PRDM16: variants seen among roughly 807,000 people sequenced by gnomAD.
The protein encoded by PRDM16 is PR/SET domain 16, also known as histone-lysine N-methyltransferase PRDM16.
In PRDM16, 23 loss-of-function variants were observed where a neutral mutation model predicts 110.6. That is an observed-to-expected ratio of 0.21 (90% CI 0.15 to 0.29). The LOEUF (loss-of-function observed/expected upper bound fraction) is 0.29. PRDM16 is among the 10% of genes least tolerant of loss of function. The pLI, the probability that PRDM16 is intolerant of heterozygous loss-of-function variation, is 1.00. For missense variants in PRDM16, 1,615 were observed against 1,794.3 expected (o/e 0.90, Z 1.81); for synonymous variants, 799 against 781.8 (o/e 1.02, Z -0.37).
chr1:3,099,563 G>T (rs1313264202), intron 1 of PRDM16, among the ~76,000 whole-genome samples: 2 of 152,206 alleles, frequency 1.3e-5, no homozygotes, highest in African/African-American at 4.8e-5. Flanking sequence ...GGCTGTGAAT[G>T]TTTTGGGGTG....
intron 2 of PRDM16, among the ~76,000 whole-genome samples, chr1:3,196,643 CA>C (rs1196680325): frequency 6.6e-6 from 1 of 152,338 alleles, no homozygotes; most frequent in South Asian, 2.1e-4. Flanking sequence ...GTGAGACCCC[CA>C]CCCAATTCCA....
rs1240045688 is a variant in PRDM16, at chr1:3,080,996, A to C, written c.37+11700A>C. On this transcript the variant is annotated intron_variant, in intron 1 of 16. Transcript: ENST00000270722. The surrounding 1 kb of genome is among the most constrained non-coding windows in gnomAD (Gnocchi z 5.2). Reference sequence around the variant, plus strand: ...CACATTCCGCCGAGTGTCCTCATGAACAAAAGGCCTAAAAAAAAGCAGAGA... The same window carrying C: ...CACATTCCGCCGAGTGTCCTCATGACCAAAAGGCCTAAAAAAAAGCAGAGA... Among the ~76,000 whole-genome samples, 1 of 151,960 alleles carries C rather than the reference A, an allele frequency of 6.6e-6. No individual in the cohort carries two copies. Among genetic ancestry groups the C allele is most frequent in the African/African-American group, 2.4e-5 (1 of 41,332 alleles).
intron 3 of PRDM16, among the ~76,000 whole-genome samples, chr1:3,284,091 G>A (rs1183741456): frequency 1.3e-5 from 2 of 152,180 alleles, no homozygotes; most frequent in Non-Finnish European, 2.9e-5. Context: ...CTGGGCCTGG[G>A]GCAGGGGCTG....
chr1:3,181,794 G>GCGGTCTTACACATT (rs1557510499), intron 1 of PRDM16, among the ~76,000 whole-genome samples: 1 of 122,822 alleles, frequency 8.1e-6, no homozygotes, highest in African/African-American at 3.2e-5. Flanking sequence ...TCTTACACAT[G>GCGGTCTTACACATT]CAGTCTTACA....
chr1:3,428,096 C>T (rs1317808286), intron 14 of PRDM16, among the ~76,000 whole-genome samples: 2 of 152,184 alleles, frequency 1.3e-5, no homozygotes, highest in African/African-American at 4.8e-5. Flanking sequence ...GGGCCCAGGA[C>T]CAGGAGCGTG....
intron 1 of PRDM16, among the ~76,000 whole-genome samples, chr1:3,185,248 T>C (rs1644254376): frequency 6.6e-6 from 1 of 152,042 alleles, no homozygotes; most frequent in South Asian, 2.1e-4. Context: ...ACCCATCCTC[T>C]CTTAGGACGG....
rs371290377 is a variant in PRDM16 at position 3,148,072 on chromosome 1, C to T, written c.38-38053C>T. ...ATTCAGATTCAAGTTCGGCCTTTGGCGTCTTCTCTCGGGGGCCCTCTGTCC... is the reference window on the plus strand; with the variant it reads ...ATTCAGATTCAAGTTCGGCCTTTGGTGTCTTCTCTCGGGGGCCCTCTGTCC... On this transcript the variant is annotated intron_variant, in intron 1 of 16. Transcript: ENST00000270722. This position sits in a 1 kb window ranked among gnomAD's most constrained non-coding sequence, Gnocchi z 5.0. Among the ~76,000 whole-genome samples, 23 of 152,132 alleles carry T rather than the reference C, an allele frequency of 1.5e-4. No individual in the cohort carries two copies. Among genetic ancestry groups the T allele is most frequent in the African/African-American group, 5.1e-4 (21 of 41,424 alleles).
At chr1:3,410,380 G>A (rs1643665422) in intron 8 of PRDM16, among the ~76,000 whole-genome samples, 2 of 152,180 alleles carry the variant, frequency 1.3e-5, no homozygotes, top group East Asian at 1.9e-4. Flanking sequence ...GGGCACTGCC[G>A]CTTCCATCCC....
chr1:3,325,397 T>A (rs1641865523), intron 3 of PRDM16, among the ~76,000 whole-genome samples: 1 of 152,166 alleles, frequency 6.6e-6, no homozygotes, highest in Admixed American at 6.5e-5. Flanking sequence ...TTCCTGGGAA[T>A]GGACCGAGTC....
chr1:3,113,204 G>A (rs538887377), intron 1 of PRDM16, among the ~76,000 whole-genome samples: 2 of 152,256 alleles, frequency 1.3e-5, no homozygotes, highest in Non-Finnish European at 2.9e-5. Flanking sequence ...ACACTGCAAT[G>A]TTCTCCCCCA....
At chr1:3,199,043 G>A (rs1235954612) in intron 2 of PRDM16, among the ~76,000 whole-genome samples, 1 of 152,148 alleles carries the variant, frequency 6.6e-6, no homozygotes, top group Non-Finnish European at 1.5e-5. Context: ...ACAAGTAGAA[G>A]CGGCCTTGTT....
chr1:3,183,536 G>C (rs1179837646), intron 1 of PRDM16, among the ~76,000 whole-genome samples: 1 of 152,238 alleles, frequency 6.6e-6, no homozygotes, highest in African/African-American at 2.4e-5. Flanking sequence ...AAAATGAGAC[G>C]GGTTTTTCCT....
At chr1:3,389,604 G>A (rs1283209873) in intron 4 of PRDM16, among the ~76,000 whole-genome samples, 1 of 152,206 alleles carries the variant, frequency 6.6e-6, no homozygotes, top group Non-Finnish European at 1.5e-5. Flanking sequence ...ATTTGTTCCT[G>A]GGCCCGGCCC....
intron 3 of PRDM16, among the ~76,000 whole-genome samples, chr1:3,249,338 G>A (rs185180570): frequency 6.6e-6 from 1 of 152,214 alleles, no homozygotes; most frequent in East Asian, 1.9e-4. Flanking sequence ...TGGTGGGTAT[G>A]GGAACTAGAA....
chr1:3,279,795 G>T (rs1004748435), intron 3 of PRDM16, among the ~76,000 whole-genome samples: 5 of 152,108 alleles, frequency 3.3e-5, no homozygotes, highest in Admixed American at 2.0e-4. Context: ...GAGCCTGCGG[G>T]GGGGTGGGGA....
At chr1:3,412,835 G>T in intron 9 of PRDM16, 35 bp downstream of exon 9, 2 of 1,420,554 alleles carry the variant, frequency 1.4e-6, no homozygotes, top group Non-Finnish European at 1.8e-6. Flanking sequence ...GCTCTCCCTG[G>T]GGCGGGGCCG....
chr1:3,310,325 C>T (rs1641419267), intron 3 of PRDM16, among the ~76,000 whole-genome samples: 2 of 152,132 alleles, frequency 1.3e-5, no homozygotes, highest in African/African-American at 4.8e-5. Flanking sequence ...CCTTGGGAGT[C>T]GAGTGCCCCC....
In PRDM16 at chr1:3,164,952, C is replaced by T. The variant is rs561543563; in HGVS notation, c.38-21173C>T. On this transcript the variant is annotated intron_variant, in intron 1 of 16. Coordinates refer to ENST00000270722, the MANE Select transcript of PRDM16 (RefSeq NM_022114.4). ...CCCCAGAGGTGCAAGCCCTGACCTC[C>T]GCCCTGCACAGGCCTCCTGCCACCC... 8.5e-5 allele frequency among the ~76,000 whole-genome samples: 13 copies of T among 152,350 alleles called. No homozygotes were observed. In the South Asian group the frequency reaches 2.3e-3, roughly 27 times the overall value.
At position 3,246,708 on chromosome 1, in the gene PRDM16, A is replaced by T. The variant is rs1314814695; in HGVS notation, c.438+2571A>T. Among the ~76,000 whole-genome samples the T allele has an allele frequency of 6.6e-6, 1 of 152,072 alleles. No individual in the cohort carries two copies. Among genetic ancestry groups the T allele is most frequent in the African/African-American group, 2.4e-5 (1 of 41,406 alleles). ...AATAAACACCGTCAGCGTCTGGAGG[A>T]TTCGAGTGTTTGCCAAGGCCATGCT... is the stretch of plus-strand genomic sequence containing the variant. On this transcript the variant is annotated intron_variant, in intron 3 of 16. Coordinates refer to ENST00000270722, the MANE Select transcript of PRDM16 (RefSeq NM_022114.4). The surrounding 1 kb of genome is among the most constrained non-coding windows in gnomAD (Gnocchi z 5.2).
Sources: allele counts gnomAD v4.1 joint callset (sites outside exome capture counted in the v4.1 genomes callset), GRCh38; gene constraint gnomAD v4.1.1; non-coding constraint Gnocchi (gnomAD v3.1); transcripts MANE v1.5; gene names NCBI Gene and HGNC (gene_info 2026-07-23, HGNC 2026-07-21).